The following VIPR1 variants were observed in gnomAD, a reference collection of about 807,000 sequenced individuals.
VIPR1 encodes the protein vasoactive intestinal polypeptide receptor 1.
VIPR1 carries 59 observed loss-of-function variants against 58.8 expected under a neutral mutation model. That is an observed-to-expected ratio of 1.00 (90% CI 0.81 to 1.25). VIPR1 has a LOEUF of 1.25. Ranked by LOEUF, VIPR1 falls within the 50% of genes most tolerant of loss-of-function variation. VIPR1 has a pLI of 0.00. For missense variants in VIPR1, 626 were observed against 602.7 expected (o/e 1.04, Z -0.40); for synonymous variants, 251 against 242.1 (o/e 1.04, Z -0.34).
At chr3:42,498,364 G>A (rs1168823749), upstream of VIPR1, among the ~76,000 whole-genome samples, 1 of 152,152 alleles carries the variant, frequency 6.6e-6, no homozygotes, top group African/African-American at 2.4e-5. Context: ...TATCAAATTG[G>A]CAAAGACTTT....
chr3:42,531,767 G>A, intron 8 of VIPR1, 36 bp from the exon 9 acceptor site: 1 of 1,613,680 alleles, frequency 6.2e-7, no homozygotes, highest in Non-Finnish European at 8.5e-7. Flanking sequence ...TCTGGCTGAG[G>A]ACAATCCCTC....
intron 1 of VIPR1, chr3:42,513,374 A>G (rs116120264): frequency 0.014 from 2,691 of 187,200 alleles, 27 homozygotes; most frequent in Non-Finnish European, 0.02. Context: ...CATCAGGGAG[A>G]TCAAGACAGG....
At chr3:42,535,154 T>C (rs1395539114) in intron 11 of VIPR1, 50 bp downstream of exon 11, 1 of 1,612,846 alleles carries the variant, frequency 6.2e-7, no homozygotes. Context: ...TTTAAGGGAA[T>C]TCAACCTGGA....
chr3:42,526,077 G>T, intron 4 of VIPR1, 84 bp downstream of exon 4: 2 of 1,318,342 alleles, frequency 1.5e-6, no homozygotes, highest in Non-Finnish European at 2.1e-6. Context: ...GAGGGGTGTG[G>T]TTGCTGTCTG....
In VIPR1 at chr3:42,505,933, T is replaced by C. The variant is rs181864331; in HGVS notation, c.78+3120T>C. ...ATAATCTACCCCTGGAGCACCAGGG[T>C]CTCTGTGAAAGGGGGTTTGTCTTTC... On this transcript the variant is annotated intron_variant, in intron 1 of 12. Transcript: ENST00000325123. Among the ~76,000 whole-genome samples, 577 of 152,178 alleles carry C rather than the reference T, an allele frequency of 3.8e-3. 2 individuals are homozygous for C. The highest frequency in any genetic ancestry group is 0.013 in the African/African-American group (541 of 41,526).
upstream of VIPR1, among the ~76,000 whole-genome samples, chr3:42,497,686 G>T (rs1553634610): frequency 6.6e-6 from 1 of 152,124 alleles, no homozygotes; most frequent in Non-Finnish European, 1.5e-5. Context: ...GAATCATGGG[G>T]GCGGTTTCCC....
At chr3:42,526,134 G>A in intron 4 of VIPR1, 141 bp downstream of exon 4, 1 of 801,936 alleles carries the variant, frequency 1.2e-6, no homozygotes. Context: ...GCCTCCTCCA[G>A]GCCTGCCTTT....
chr3:42,528,353 T>A, intron 6 of VIPR1: 1 of 577,866 alleles, frequency 1.7e-6, no homozygotes, highest in Non-Finnish European at 3.0e-6. Flanking sequence ...CTCACAGACC[T>A]GCCGCCGCCA....
chr3:42,513,922 C>A, intron 2 of VIPR1, 68 bp downstream of exon 2: 1 of 1,492,152 alleles, frequency 6.7e-7, no homozygotes, highest in Non-Finnish European at 9.1e-7. Context: ...ATGTCTCAAG[C>A]TGAGATCCAA....
chr3:42,525,394 C>T (rs1701177643), intron 3 of VIPR1, among the ~76,000 whole-genome samples: 1 of 150,806 alleles, frequency 6.6e-6, no homozygotes, highest in Non-Finnish European at 1.5e-5. Flanking sequence ...CCCCACACTC[C>T]TGCTCCCCCT....
intron 4 of VIPR1, 83 bp downstream of exon 4, chr3:42,526,076 G>A: frequency 2.2e-6 from 3 of 1,334,292 alleles, no homozygotes; most frequent in Non-Finnish European, 3.1e-6. Context: ...CGAGGGGTGT[G>A]GTTGCTGTCT....
rs757006354 is a variant in VIPR1, at chr3:42,519,216, C to G, written c.185-7C>G. 1 of 1,604,260 alleles carries G rather than the reference C, an allele frequency of 6.2e-7. No individual in the cohort carries two copies. The highest frequency in any genetic ancestry group is 8.5e-7 in the Non-Finnish European group (1 of 1,175,452). ...TCACCCATGTGTCTTCTGCCTTACC[C>G]CCATAGGCTGCAGCAAGATGTGGGA... On this transcript the variant is annotated splice_region_variant and splice_polypyrimidine_tract_variant and intron_variant, in intron 2 of 12. Transcript: ENST00000325123.
chr3:42,492,450 T>C (rs149002743), intron 1 of VIPR1: 2,301 of 152,442 alleles, frequency 0.015, 49 homozygotes, highest in Non-Finnish European at 0.019. Context: ...AAGAGAGTGC[T>C]CCTGGGGCCT....
intron 3 of VIPR1, among the ~76,000 whole-genome samples, chr3:42,520,109 G>A (rs1700836666): frequency 1.3e-5 from 2 of 152,200 alleles, no homozygotes; most frequent in African/African-American, 4.8e-5. Context: ...AAGACCTGGA[G>A]GTGAGAAAGA....
rs1023406678 is a variant in VIPR1 at position 42,528,202 on chromosome 3, C to A, written c.636+79C>A. On this transcript the variant is annotated intron_variant, in intron 6 of 12. Transcript: ENST00000325123. ...ACTGTAATCTCCTCTTCTCCCCCTG[C>A]TTCTCCCTCTCCCTCCTCCCTCTTC... is the stretch of plus-strand genomic sequence containing the variant. The A allele has an allele frequency of 4.4e-5, 67 of 1,536,078 alleles. No individual in the cohort carries two copies. The African/African-American group carries it at 8.8e-4, about 20-fold the overall frequency.
In VIPR1 at chr3:42,522,205, G is replaced by A. The variant is rs759348849; in HGVS notation, c.292+2875G>A. Among the ~76,000 whole-genome samples, 141 of 145,302 alleles carry A rather than the reference G, an allele frequency of 9.7e-4. 1 individual carries two copies. Among genetic ancestry groups the A allele is most frequent in the Non-Finnish European group, 2.8e-4 (19 of 67,030 alleles). ...CTGCTCACTGCAACCTCCGCCTTCC[G>A]GGTCCACACCATTCTCCTGCCTCAG... On this transcript the variant is annotated intron_variant, in intron 3 of 12. Coordinates refer to ENST00000325123, the MANE Select transcript of VIPR1 (RefSeq NM_004624.4).
intron 6 of VIPR1, 169 bp downstream of exon 6, chr3:42,528,292 C>T: frequency 1.1e-6 from 1 of 892,698 alleles, no homozygotes; most frequent in South Asian, 1.8e-5. Context: ...TGGCAGTACT[C>T]AAATCACACT....
chr3:42,507,485 C>A (rs1700168825), intron 1 of VIPR1, among the ~76,000 whole-genome samples: 1 of 152,230 alleles, frequency 6.6e-6, no homozygotes, highest in African/African-American at 2.4e-5. Flanking sequence ...GGCCACCAAC[C>A]AATCTCCATG....
intron 12 of VIPR1, 142 bp downstream of exon 12, chr3:42,535,526 T>C: frequency 1.1e-6 from 1 of 870,342 alleles, no homozygotes. Context: ...AGCACTGGTG[T>C]CACCTAGGCC....
Sources: allele counts gnomAD v4.1 joint callset (sites outside exome capture counted in the v4.1 genomes callset), GRCh38; gene constraint gnomAD v4.1.1; transcripts MANE v1.5; gene names NCBI Gene and HGNC (gene_info 2026-07-23, HGNC 2026-07-21).